The following DGUOK variants were observed in gnomAD, a reference collection of about 807,000 sequenced individuals.
DGUOK encodes deoxyguanosine kinase, mitochondrial.
A neutral mutation model predicts 36.6 loss-of-function variants in DGUOK; 30 were observed. The ratio of observed to expected loss-of-function variants is 0.82; its 90% confidence interval spans 0.61 to 1.11. The LOEUF is 1.11. DGUOK is among the 50% of genes most tolerant of loss of function. DGUOK has a pLI of 0.00. For synonymous variants in DGUOK, 145 were observed against 126.3 expected (o/e 1.15, Z -0.99); for missense variants, 361 against 336.4 (o/e 1.07, Z -0.57).
At chr2:73,936,051 C>G (rs1200963406) in intron 1 of DGUOK, among the ~76,000 whole-genome samples, 2 of 152,138 alleles carry the variant, frequency 1.3e-5, no homozygotes, top group Non-Finnish European at 2.9e-5. Flanking sequence ...ATTGTTCAAT[C>G]CCAGCCATCT....
chr2:73,954,971 G>C (rs4852994), intron 4 of DGUOK, among the ~76,000 whole-genome samples: 104,042 of 152,094 alleles, frequency 0.68, 35,815 homozygotes, highest in Non-Finnish European at 0.69. Context: ...TTGTTATAGC[G>C]ATATCAGTAA....
At chr2:73,958,022 A>C (rs1392894276) in intron 5 of DGUOK, 124 bp from the exon 6 acceptor site, 1 of 743,308 alleles carries the variant, frequency 1.3e-6, no homozygotes, top group East Asian at 2.8e-5. Context: ...GTTTACATGC[A>C]GTTTCTTTGA....
Position 73,958,867 on chromosome 2 carries a change from G to T in DGUOK, c.*131G>T. ...TGGAGCACTCTGCCGCTCAAGAGCT[G>T]GTTTGTTAATTATTGTTAGACTTTG... On this transcript the variant is annotated 3_prime_UTR_variant, in exon 7 of 7. Coordinates refer to ENST00000264093, the MANE Select transcript of DGUOK (RefSeq NM_080916.3). The T allele has an allele frequency of 1.3e-6, 1 of 768,796 alleles. No individual in the cohort carries two copies. The highest frequency in any genetic ancestry group is 2.3e-6 in the Non-Finnish European group (1 of 438,746). The allele number at this position is 768,796 out of a possible 1,614,324, so 47.6% of individuals were successfully genotyped here. A position where few individuals can be genotyped will look rare whatever the true frequency, so the allele number is the denominator to read the frequency against.
At position 73,938,960 on chromosome 2, in the gene DGUOK, T is replaced by C; in HGVS notation, c.193T>C (p.Trp65Arg). The change falls in exon 2 of 7, where the codon TGG becomes CGG. Residue 65 changes from tryptophan to arginine, a missense_variant. By Grantham distance (101) the Trp-to-Arg change is moderately radical (BLOSUM62 -3). Coordinates refer to ENST00000264093, the MANE Select transcript of DGUOK (RefSeq NM_080916.3). ...VKLLTKTYPE[W>R]HVATEPVATW... ...GTTACTCACGAAAACTTACCCAGAA[T>C]GGCACGTAGCTACAGAACCTGTAGC... 6.2e-7 allele frequency: 1 copy of C among 1,614,108 alleles called. No individual in the cohort carries two copies. Among genetic ancestry groups the C allele is most frequent in the East Asian group, 2.2e-5 (1 of 44,882 alleles).
intron 2 of DGUOK, among the ~76,000 whole-genome samples, chr2:73,944,838 G>T (rs902460046): frequency 6.6e-6 from 1 of 152,168 alleles, no homozygotes; most frequent in Admixed American, 6.5e-5. Context: ...AACAGGCCCA[G>T]GGCTGCTCCC....
chr2:73,958,050 A>T, intron 5 of DGUOK, 96 bp from the exon 6 acceptor site: 2 of 919,934 alleles, frequency 2.2e-6, no homozygotes, highest in Non-Finnish European at 1.8e-6. Context: ...TGTTGAATTT[A>T]GATCTGTTCT....
intron 2 of DGUOK, 146 bp downstream of exon 2, chr2:73,939,168 C>T: frequency 1.5e-6 from 1 of 678,708 alleles, no homozygotes; most frequent in Non-Finnish European, 2.7e-6. Context: ...CCACATACAC[C>T]AGAGAGGATA....
chr2:73,927,911 A>C (rs1311435913), intron 1 of DGUOK, among the ~76,000 whole-genome samples: 1 of 152,196 alleles, frequency 6.6e-6, no homozygotes, highest in East Asian at 1.9e-4. Context: ...TTTTTTATTC[A>C]TTCAACAAAT....
chr2:73,931,685 C>G (rs1681050214), intron 1 of DGUOK, among the ~76,000 whole-genome samples: 1 of 152,194 alleles, frequency 6.6e-6, no homozygotes, highest in Non-Finnish European at 1.5e-5. Flanking sequence ...CTCCATAAAA[C>G]AGGCACTTTC....
intron 4 of DGUOK, among the ~76,000 whole-genome samples, chr2:73,955,788 C>A (rs1683045154): frequency 6.6e-6 from 1 of 152,094 alleles, no homozygotes; most frequent in Non-Finnish European, 1.5e-5. Context: ...GCAAGAGAAT[C>A]ACTTGAACCT....
At chr2:73,957,364 A>G in intron 5 of DGUOK, 124 bp downstream of exon 5, 1 of 768,614 alleles carries the variant, frequency 1.3e-6, no homozygotes, top group Non-Finnish European at 2.3e-6. Flanking sequence ...ATGGTTGGAA[A>G]TGTCAAGCAT....
At chr2:73,957,507 C>T (rs977980835) in intron 5 of DGUOK, among the ~76,000 whole-genome samples, 1 of 152,130 alleles carries the variant, frequency 6.6e-6, no homozygotes, top group Admixed American at 6.5e-5. Flanking sequence ...AACCCTGTCT[C>T]TACTAAAAAT....
chr2:73,946,956 C>T (rs1361983276), intron 3 of DGUOK, 50 bp downstream of exon 3: 4 of 1,507,492 alleles, frequency 2.7e-6, no homozygotes, highest in Non-Finnish European at 2.7e-6. Flanking sequence ...TCAGTGCTGC[C>T]TGTTTGATCT....
chr2:73,956,263 ACTT>A (rs1357866337), intron 4 of DGUOK, among the ~76,000 whole-genome samples: 1 of 152,138 alleles, frequency 6.6e-6, no homozygotes, highest in African/African-American at 2.4e-5. Flanking sequence ...TTGTTTTTCC[ACTT>A]CTTTGTTTTA....
Position 73,926,925 on chromosome 2 carries a change from C to A in DGUOK, c.15C>A (p.Arg5=). The A allele has an allele frequency of 6.2e-7, 1 of 1,613,554 alleles. No individual in the cohort carries two copies. The highest frequency in any genetic ancestry group is 8.5e-7 in the Non-Finnish European group (1 of 1,180,024). The change falls in exon 1 of 7, where the codon CGC becomes CGA. Residue 5 remains arginine, a synonymous_variant. Transcript: ENST00000264093. ...TCGTGGGTGGGATGGCCGCGGGCCG[C>A]CTCTTTCTAAGTCGGCTTCGAGCAC... is the stretch of plus-strand genomic sequence containing the variant. MAAG[R]LFLSRLRAPF... is the part of the protein sequence containing the mutation.
At chr2:73,927,692 CAT>C (rs918307183) in intron 1 of DGUOK, among the ~76,000 whole-genome samples, 1 of 152,164 alleles carries the variant, frequency 6.6e-6, no homozygotes, top group Non-Finnish European at 1.5e-5. Flanking sequence ...AACTTAAAAA[CAT>C]GTATTAAATT....
chr2:73,937,927 C>G (rs1334397853), intron 1 of DGUOK, among the ~76,000 whole-genome samples: 1 of 152,214 alleles, frequency 6.6e-6, no homozygotes, highest in African/African-American at 2.4e-5. Flanking sequence ...CCCATTCTTA[C>G]ACAGCTAGTG....
intron 4 of DGUOK, among the ~76,000 whole-genome samples, chr2:73,956,725 T>C (rs1376947089): frequency 1.3e-5 from 2 of 152,188 alleles, no homozygotes; most frequent in East Asian, 3.9e-4. Context: ...CTTGCCATAA[T>C]CCAGGTAAGA....
chr2:73,930,789 TTTTTC>T (rs148422417), intron 1 of DGUOK, among the ~76,000 whole-genome samples: 43,987 of 101,786 alleles, frequency 0.43, 10,673 homozygotes, highest in Non-Finnish European at 0.54. Flanking sequence ...TTTCTTTTTT[TTTTTC>T]TTTTTTTTTT....
Sources: allele counts gnomAD v4.1 joint callset (sites outside exome capture counted in the v4.1 genomes callset), GRCh38; gene constraint gnomAD v4.1.1; transcripts MANE v1.5; gene names NCBI Gene and HGNC (gene_info 2026-07-23, HGNC 2026-07-21).